GAS2L3: variants seen among roughly 807,000 people sequenced by gnomAD.
GAS2L3 encodes growth arrest specific 2 like 3.
Under a neutral mutation model 37.0 loss-of-function variants are expected in GAS2L3, and 28 were observed. The observed-to-expected ratio is 0.76, with a 90% CI of 0.56 to 1.04. The LOEUF (loss-of-function observed/expected upper bound fraction) is 1.04. Ranked by LOEUF, GAS2L3 falls within the 50% of genes least tolerant of loss-of-function variation. The pLI, the probability that GAS2L3 is intolerant of heterozygous loss-of-function variation, is 0.00. For missense variants in GAS2L3, 793 were observed against 817.6 expected (o/e 0.97, Z 0.37); for synonymous variants, 290 against 296.6 (o/e 0.98, Z 0.23).
At chr12:100,580,538 A>AT (rs554713501) in intron 1 of GAS2L3, among the ~76,000 whole-genome samples, 75 of 152,238 alleles carry the variant, frequency 4.9e-4, no homozygotes, top group African/African-American at 1.7e-3. Context: ...TTTTCTGGGC[A>AT]TTTTTTTGGC....
In GAS2L3 at chr12:100,623,595, G is replaced by T. The variant is rs750479911; in HGVS notation, c.790G>T (p.Gly264Cys). ...TGGAAAACATGTCATGGTTCGCGTTGGTGGAGGCTGGGATACTCTTCAAGG... is the reference window on the plus strand; with the variant it reads ...TGGAAAACATGTCATGGTTCGCGTTTGTGGAGGCTGGGATACTCTTCAAGG... Reference protein sequence around the residue: ...LHGKHVMVRVGGGWDTLQGFL... With the variant: ...LHGKHVMVRVCGGWDTLQGFL... The change falls in exon 10 of 10, where the codon GGT (glycine) becomes TGT (cysteine). Residue 264 changes from glycine to cysteine, a missense_variant. Gly to Cys is a radical substitution (Grantham distance 159). Coordinates refer to ENST00000547754, the MANE Select transcript of GAS2L3 (RefSeq NM_174942.3). 2 of 1,609,074 alleles carry T rather than the reference G, an allele frequency of 1.2e-6. No homozygotes were observed. Among genetic ancestry groups the T allele is most frequent in the Non-Finnish European group, 1.7e-6 (2 of 1,177,852 alleles).
chr12:100,576,987 AG>A (rs1318058831), intron 1 of GAS2L3, among the ~76,000 whole-genome samples: 1 of 152,208 alleles, frequency 6.6e-6, no homozygotes, highest in African/African-American at 2.4e-5. Flanking sequence ...TCTCTAAGAA[AG>A]TATAATATTA....
chr12:100,615,825 C>T (rs960754711), intron 6 of GAS2L3, among the ~76,000 whole-genome samples: 5 of 152,150 alleles, frequency 3.3e-5, no homozygotes, highest in Non-Finnish European at 7.4e-5. Flanking sequence ...TCTGGACACT[C>T]ATTTCCATTC....
Position 100,624,165 on chromosome 12 carries a change from G to T in GAS2L3, c.1360G>T (p.Asp454Tyr), listed in dbSNP as rs1293895655. The stretch of plus-strand genomic sequence containing the variant: ...GGTTATTCCAGCCCAGAATTCAGCA[G>T]ATCTGCCCGAGTCCACACTTTTGCC... ...AKVIPAQNSA[D>Y]LPESTLLPNK... The change falls in exon 10 of 10, where the codon GAT becomes TAT. Residue 454 changes from aspartate (D) to tyrosine (Y), a missense_variant. Asp to Tyr is a radical substitution (Grantham distance 160). Coordinates refer to ENST00000547754, the MANE Select transcript of GAS2L3 (RefSeq NM_174942.3). The T allele has an allele frequency of 1.2e-6, 2 of 1,612,454 alleles. No individual in the cohort carries two copies. The highest frequency in any genetic ancestry group is 1.3e-5 in the African/African-American group (1 of 74,378).
chr12:100,604,412 A>T (rs1402481684), intron 5 of GAS2L3, among the ~76,000 whole-genome samples: 1 of 147,996 alleles, frequency 6.8e-6, no homozygotes, highest in African/African-American at 2.5e-5. Context: ...AAAATGCTAC[A>T]GATTTTTGTA....
intron 6 of GAS2L3, among the ~76,000 whole-genome samples, chr12:100,614,598 G>A (rs1340858736): frequency 6.6e-6 from 1 of 152,120 alleles, no homozygotes; most frequent in Non-Finnish European, 1.5e-5. Flanking sequence ...GTGGTTTTTA[G>A]TATATTCACT....
intron 1 of GAS2L3, among the ~76,000 whole-genome samples, chr12:100,586,331 A>T (rs1955780951): frequency 6.6e-6 from 1 of 152,264 alleles, no homozygotes; most frequent in East Asian, 1.9e-4. Flanking sequence ...GTAATAGGGC[A>T]TAAAACGAGC....
chr12:100,596,370 A>G (rs1355546919), intron 3 of GAS2L3, among the ~76,000 whole-genome samples: 1 of 151,950 alleles, frequency 6.6e-6, no homozygotes, highest in Non-Finnish European at 1.5e-5. Flanking sequence ...TCTTATTTCT[A>G]CACTAATGGC....
intron 3 of GAS2L3, among the ~76,000 whole-genome samples, chr12:100,596,477 A>ATT (rs748434677): frequency 3.3e-5 from 5 of 150,832 alleles, no homozygotes; most frequent in Non-Finnish European, 7.4e-5. Flanking sequence ...GTCTTTACTG[A>ATT]TTTTTTTTTC....
chr12:100,600,328 T>C, intron 3 of GAS2L3, 54 bp from the exon 4 acceptor site: 2 of 1,136,028 alleles, frequency 1.8e-6, no homozygotes, highest in Non-Finnish European at 2.5e-6. Context: ...TGGATTATGA[T>C]GACTTTTAGC....
chr12:100,579,476 A>G, intron 1 of GAS2L3: 2 of 772,222 alleles, frequency 2.6e-6, no homozygotes, highest in Non-Finnish European at 4.8e-6. Flanking sequence ...GGTTAGTGGT[A>G]TTATACCCAA....
At chr12:100,580,853 A>G (rs995910292) in intron 1 of GAS2L3, among the ~76,000 whole-genome samples, 2 of 152,196 alleles carry the variant, frequency 1.3e-5, no homozygotes, top group African/African-American at 4.8e-5. Context: ...TATCATTCAA[A>G]TGGCTTATTT....
At chr12:100,615,593 A>AT (rs1267699514) in intron 6 of GAS2L3, among the ~76,000 whole-genome samples, 3 of 151,932 alleles carry the variant, frequency 2.0e-5, no homozygotes, top group Admixed American at 2.0e-4. Context: ...TATTTTTAAC[A>AT]TTTTTTTCTA....
intron 1 of GAS2L3, chr12:100,579,280 C>T: frequency 1.6e-6 from 1 of 618,942 alleles, no homozygotes; most frequent in Non-Finnish European, 3.0e-6. Flanking sequence ...GTGACACAAG[C>T]CGTATCATTT....
intron 5 of GAS2L3, among the ~76,000 whole-genome samples, chr12:100,608,449 G>A (rs1208374043): frequency 6.6e-6 from 1 of 152,168 alleles, no homozygotes; most frequent in African/African-American, 2.4e-5. Context: ...ATCTAGCCAG[G>A]TTTGTGTCCC....
chr12:100,597,190 T>C (rs1265451443), intron 3 of GAS2L3, among the ~76,000 whole-genome samples: 1 of 152,058 alleles, frequency 6.6e-6, no homozygotes, highest in Non-Finnish European at 1.5e-5. Context: ...TTGACAAACA[T>C]TTACATCTGC....
In GAS2L3 at chr12:100,624,153, C is replaced by A. The variant is rs768749185; in HGVS notation, c.1348C>A (p.Gln450Lys). 15 of 1,612,718 alleles carry A rather than the reference C, an allele frequency of 9.3e-6. No homozygotes were observed. The Admixed American group carries it at 2.5e-4, about 27-fold the overall frequency. The change falls in exon 10 of 10, where the codon CAG becomes AAG. Residue 450 changes from glutamine (Q) to lysine (K), a missense_variant. By Grantham distance (53) the Gln-to-Lys change is moderately conservative (BLOSUM62 1). Coordinates refer to ENST00000547754, the MANE Select transcript of GAS2L3 (RefSeq NM_174942.3). ...NTPKAKVIPA[Q>K]NSADLPESTL... The stretch of plus-strand genomic sequence containing the variant: ...CCCCAAGGCCAAGGTTATTCCAGCC[C>A]AGAATTCAGCAGATCTGCCCGAGTC...
intron 1 of GAS2L3, among the ~76,000 whole-genome samples, chr12:100,587,718 C>T (rs1035900955): frequency 2.6e-5 from 4 of 152,172 alleles, no homozygotes; most frequent in Admixed American, 6.5e-5. Context: ...CAACCTAGTA[C>T]TGGAAGTCCT....
In GAS2L3 at chr12:100,624,528, A is replaced by C. The variant is rs1188597410; in HGVS notation, c.1723A>C (p.Thr575Pro). The change falls in exon 10 of 10, where the codon ACA (threonine) becomes CCA (proline). Residue 575 changes from threonine (T) to proline (P), a missense_variant. Thr to Pro is a conservative substitution (Grantham distance 38). Transcript: ENST00000547754. ...GTCCTCAGTTTCTCCTGTAAAAGCC[A>C]CACAGAAATCAAAAGATAAGAATAT... ...SVSSVSPVKA[T>P]QKSKDKNIVS... 1 of 1,614,114 alleles carries C rather than the reference A, an allele frequency of 6.2e-7. No homozygotes were observed. The highest frequency in any genetic ancestry group is 2.2e-5 in the East Asian group (1 of 44,868).
Sources: allele counts gnomAD v4.1 joint callset (sites outside exome capture counted in the v4.1 genomes callset), GRCh38; gene constraint gnomAD v4.1.1; transcripts MANE v1.5; gene names NCBI Gene and HGNC (gene_info 2026-07-23, HGNC 2026-07-21).